CNTNAP2: variants seen among roughly 807,000 people sequenced by gnomAD.
CNTNAP2 encodes the protein contactin associated protein 2.
A neutral mutation model predicts 155.2 loss-of-function variants in CNTNAP2; 98 were observed. The observed-to-expected ratio is 0.63, with a 90% confidence interval of 0.54 to 0.75. The LOEUF is 0.75. Ranked by LOEUF, CNTNAP2 falls within the 30% of genes least tolerant of loss-of-function variation. The pLI is 0.00. For synonymous variants in CNTNAP2, 651 were observed against 631.2 expected (o/e 1.03, Z -0.47); for missense variants, 1,727 against 1,688.1 (o/e 1.02, Z -0.40).
At chr7:148,330,387 G>A (rs116758339) in intron 21 of CNTNAP2, among the ~76,000 whole-genome samples, 1,646 of 151,590 alleles carry the variant, frequency 0.011, 73 homozygotes, top group African/African-American at 0.037. Flanking sequence ...TGGAGTGGAC[G>A]GATAGAGTGG....
chr7:146,184,041 A>G (rs1028505774), intron 1 of CNTNAP2, among the ~76,000 whole-genome samples: 1 of 152,028 alleles, frequency 6.6e-6, no homozygotes, highest in South Asian at 2.1e-4. Flanking sequence ...AAGGCTACCT[A>G]TTTTGTTTTC....
Position 148,165,814 on chromosome 7 carries a change from A to T in CNTNAP2, c.2774-6428A>T, listed in dbSNP as rs1162262318. ...TGCAGCTATTTGTGATCACCTTGGG[A>T]TTAACCTGCAGGCAAGAAGCACGTC... On this transcript the variant is annotated intron_variant, in intron 17 of 23. Coordinates refer to ENST00000361727, the MANE Select transcript of CNTNAP2 (RefSeq NM_014141.6). Among the ~76,000 whole-genome samples the T allele has an allele frequency of 2.0e-5, 3 of 151,914 alleles. No homozygotes were observed. In the South Asian group the frequency reaches 6.2e-4, roughly 31 times the overall value.
At chr7:147,504,860 T>C (rs2116676468) in intron 11 of CNTNAP2, among the ~76,000 whole-genome samples, 1 of 151,752 alleles carries the variant, frequency 6.6e-6, no homozygotes, top group East Asian at 1.9e-4. Flanking sequence ...GACTCATTTT[T>C]CCAGGCATTT....
At chr7:146,130,710 G>C (rs1221237122) in intron 1 of CNTNAP2, among the ~76,000 whole-genome samples, 1 of 152,192 alleles carries the variant, frequency 6.6e-6, no homozygotes, top group African/African-American at 2.4e-5. Context: ...CAGAGACTGG[G>C]TAATTGATAA....
intron 8 of CNTNAP2, among the ~76,000 whole-genome samples, chr7:147,187,485 A>G (rs541425233): frequency 6.6e-6 from 1 of 152,164 alleles, no homozygotes; most frequent in Non-Finnish European, 1.5e-5. Context: ...GCTGGAGGCC[A>G]TTATGCTAAG....
intron 3 of CNTNAP2, among the ~76,000 whole-genome samples, chr7:146,905,778 G>A (rs1345962353): frequency 1.3e-5 from 2 of 152,146 alleles, no homozygotes; most frequent in African/African-American, 4.8e-5. Flanking sequence ...AATAAAATTT[G>A]GTTTACGAAG....
At chr7:148,389,471 A>G (rs941845941) in intron 22 of CNTNAP2, among the ~76,000 whole-genome samples, 4 of 151,704 alleles carry the variant, frequency 2.6e-5, no homozygotes, top group African/African-American at 9.7e-5. Flanking sequence ...AGTCCATTAA[A>G]CCTCTTTCCT....
rs190575307 is a variant in CNTNAP2, at chr7:146,608,740, T to C, written c.98-165531T>C. 1.4e-4 allele frequency among the ~76,000 whole-genome samples: 21 copies of C among 152,326 alleles called. No individual in the cohort carries two copies. The East Asian group carries it at 2.1e-3, about 15-fold the overall frequency. ...TATTTTTAAGGCTTTTGGTATTCAT[T>C]GTTGATATTCCATTTCATTTTATAT... On this transcript the variant is annotated intron_variant, in intron 1 of 23. Coordinates refer to ENST00000361727, the MANE Select transcript of CNTNAP2 (RefSeq NM_014141.6).
intron 1 of CNTNAP2, among the ~76,000 whole-genome samples, chr7:146,759,241 C>T (rs1802044361): frequency 1.3e-5 from 2 of 152,058 alleles, no homozygotes; most frequent in African/African-American, 4.8e-5. Flanking sequence ...CCCAGATGCC[C>T]AGAGCATTTC....
chr7:146,486,364 A>T (rs28549169), intron 1 of CNTNAP2, among the ~76,000 whole-genome samples: 1 of 151,860 alleles, frequency 6.6e-6, no homozygotes, highest in Non-Finnish European at 1.5e-5. Context: ...GCGCCCAGCC[A>T]CCACAGCAGT....
intron 22 of CNTNAP2, among the ~76,000 whole-genome samples, chr7:148,390,877 A>G (rs1215890118): frequency 6.6e-6 from 1 of 152,220 alleles, no homozygotes; most frequent in African/African-American, 2.4e-5. Flanking sequence ...TATGTTGGTC[A>G]GGTTGTGCAC....
At chr7:146,646,998 G>C (rs1275708532) in intron 1 of CNTNAP2, among the ~76,000 whole-genome samples, 2 of 152,184 alleles carry the variant, frequency 1.3e-5, no homozygotes, top group Admixed American at 1.3e-4. Context: ...AAAAGGCTCT[G>C]AGGCAGGGCA....
chr7:147,461,252 T>C (rs922068466), intron 10 of CNTNAP2, among the ~76,000 whole-genome samples: 16 of 152,306 alleles, frequency 1.1e-4, no homozygotes, highest in Admixed American at 9.2e-4. Context: ...GTAATTAGGT[T>C]TGGAAATGCA....
intron 3 of CNTNAP2, among the ~76,000 whole-genome samples, chr7:146,932,050 C>A (rs1342046326): frequency 1.3e-5 from 2 of 150,260 alleles, no homozygotes; most frequent in Non-Finnish European, 3.0e-5. Context: ...CTATTCCAAT[C>A]AATAGAAAAA....
chr7:146,889,002 C>G (rs1372072227), intron 3 of CNTNAP2, among the ~76,000 whole-genome samples: 1 of 151,960 alleles, frequency 6.6e-6, no homozygotes. Flanking sequence ...CAGAGACACA[C>G]AGATACACAC....
At chr7:146,482,247 A>G (rs1796971896) in intron 1 of CNTNAP2, among the ~76,000 whole-genome samples, 1 of 150,088 alleles carries the variant, frequency 6.7e-6, no homozygotes, top group South Asian at 2.1e-4. Flanking sequence ...ACAAAAATTT[A>G]AAAAGTAGAA....
At chr7:147,134,480 C>T (rs570364213) in intron 8 of CNTNAP2, among the ~76,000 whole-genome samples, 3 of 151,580 alleles carry the variant, frequency 2.0e-5, no homozygotes, top group Non-Finnish European at 4.4e-5. Context: ...AGTGAAAATA[C>T]CTTACTGCTT....
chr7:147,972,497 A>G (rs929097400), intron 14 of CNTNAP2, among the ~76,000 whole-genome samples: 3 of 152,292 alleles, frequency 2.0e-5, no homozygotes, highest in African/African-American at 7.2e-5. Flanking sequence ...TCTCAGCACA[A>G]TAAAAAAGTC....
intron 14 of CNTNAP2, among the ~76,000 whole-genome samples, chr7:147,912,038 AT>A (rs1800076148): frequency 6.6e-6 from 1 of 152,106 alleles, no homozygotes; most frequent in Non-Finnish European, 1.5e-5. Flanking sequence ...CATTCAAATT[AT>A]TTTCTGAATG....
Sources: allele counts gnomAD v4.1 joint callset (sites outside exome capture counted in the v4.1 genomes callset), GRCh38; gene constraint gnomAD v4.1.1; transcripts MANE v1.5; gene names NCBI Gene and HGNC (gene_info 2026-07-23, HGNC 2026-07-21).